The following ARHGEF4 variants were observed in gnomAD, a reference collection of about 807,000 sequenced individuals.
ARHGEF4 encodes Rho guanine nucleotide exchange factor 4.
Under a neutral mutation model 162.0 loss-of-function variants are expected in ARHGEF4, and 119 were observed. That is an observed-to-expected ratio of 0.73 (90% CI 0.63 to 0.86). The LOEUF (loss-of-function observed/expected upper bound fraction) is 0.86. Among genes scored for constraint, ARHGEF4 ranks in the 40% least tolerant of loss-of-function variants. The pLI, the probability that ARHGEF4 is intolerant of heterozygous loss-of-function variation, is 0.00. For synonymous variants in ARHGEF4, 1,014 were observed against 979.9 expected, an observed-to-expected ratio of 1.03 and a Z score of -0.65; for missense variants, 2,488 against 2,456.0, an observed-to-expected ratio of 1.01 and a Z score of -0.28.
chr2:130,864,308 A>G (rs1244047988), intron 1 of ARHGEF4, among the ~76,000 whole-genome samples: 1 of 152,218 alleles, frequency 6.6e-6, no homozygotes, highest in Non-Finnish European at 1.5e-5. Context: ...ATATTGCATG[A>G]TTCCATTTAT....
chr2:130,916,743 C>A lies in ARHGEF4; in HGVS notation c.2797C>A (p.Arg933Ser), dbSNP rs865793760. Residue 933 changes from arginine (R) to serine (S), a missense_variant, in exon 2 of 14, where the codon CGT (arginine) becomes AGT (serine). Around this residue, in one of 6 missense-constraint regions of ARHGEF4, gnomAD observed 1,642 missense variants for 1,481.5 expected, o/e 1.11. Transcript: ENST00000409359. The stretch of plus-strand genomic sequence containing the variant: ...TCTAGAGAAAGAGAACACCCATGAA[C>A]GTTCCCCAAGTTCTCCCAAGGGCGA... ...IVLEKENTHE[R>S]SPSSPKGEKE... 6.4e-7 allele frequency: 1 copy of A among 1,550,562 alleles called. No homozygotes were observed. Among genetic ancestry groups the A allele is most frequent in the Non-Finnish European group, 8.7e-7 (1 of 1,147,042 alleles).
chr2:131,010,034 G>C (rs960774053), intron 4 of ARHGEF4, among the ~76,000 whole-genome samples: 1 of 152,156 alleles, frequency 6.6e-6, no homozygotes, highest in South Asian at 2.1e-4. Context: ...CACATTCTAC[G>C]TTCAGGTTTT....
intron 5 of ARHGEF4, among the ~76,000 whole-genome samples, chr2:131,029,380 G>A (rs145790214): frequency 8.6e-5 from 13 of 151,996 alleles, no homozygotes; most frequent in East Asian, 3.9e-4. Context: ...TAAAACAGTC[G>A]TTAAATAATG....
At chr2:130,888,708 T>A (rs1163011635) in intron 1 of ARHGEF4, among the ~76,000 whole-genome samples, 1 of 152,166 alleles carries the variant, frequency 6.6e-6, no homozygotes, top group Non-Finnish European at 1.5e-5. Flanking sequence ...GCTACTGATT[T>A]CTAGCTTAAC....
Position 130,924,973 on chromosome 2 carries a change from C to T in ARHGEF4, c.3553-5979C>T, listed in dbSNP as rs142679833. The stretch of plus-strand genomic sequence containing the variant: ...GAATGCTGGATAGCTTTCCTGTCTA[C>T]CAGCCACAGTTCTAACTTTGGTGGC... On this transcript the variant is annotated intron_variant, in intron 2 of 13. Coordinates refer to ENST00000409359, the MANE Select transcript of ARHGEF4 (RefSeq NM_001367493.1). Among the ~76,000 whole-genome samples the T allele has an allele frequency of 3.4e-3, 509 of 151,040 alleles. 2 individuals are homozygous for T. Among genetic ancestry groups the T allele is most frequent in the Admixed American group, 8.9e-3 (134 of 15,106 alleles).
intron 2 of ARHGEF4, among the ~76,000 whole-genome samples, chr2:130,918,593 G>T (rs1230014127): frequency 6.6e-6 from 1 of 152,206 alleles, no homozygotes; most frequent in East Asian, 1.9e-4. Context: ...CCACACCTGG[G>T]CTCACGGGCT....
intron 4 of ARHGEF4, among the ~76,000 whole-genome samples, chr2:130,993,658 G>A (rs1334890225): frequency 6.6e-6 from 1 of 151,960 alleles, no homozygotes; most frequent in African/African-American, 2.4e-5. Context: ...ATTATTAAAT[G>A]TTTTTCTTTT....
chr2:130,902,547 T>G (rs1439393433), intron 1 of ARHGEF4, among the ~76,000 whole-genome samples: 1 of 151,552 alleles, frequency 6.6e-6, no homozygotes, highest in Non-Finnish European at 1.5e-5. Context: ...TGAGCCGAGA[T>G]AGCGCCACTG....
At chr2:130,964,739 G>T (rs1247722326) in intron 4 of ARHGEF4, among the ~76,000 whole-genome samples, 2 of 152,214 alleles carry the variant, frequency 1.3e-5, no homozygotes, top group East Asian at 1.9e-4. Context: ...CTGACCGCAG[G>T]ACTGCAGCTC....
rs772743897 is a variant in ARHGEF4, at chr2:130,915,399, G to A, written c.1453G>A (p.Glu485Lys). The part of the protein sequence containing the change: ...GTQLAPRAAD[E>K]RETQKHLWGI... ...CCAACTCGCACCAAGAGCTGCTGAT[G>A]AGAGAGAGACACAGAAGCACCTCTG... The change falls in exon 2 of 14, where the codon GAG (glutamate) becomes AAG (lysine). Residue 485 changes from glutamate to lysine, a missense_variant. By Grantham distance (56) the Glu-to-Lys change is moderately conservative. This residue lies in a region of ARHGEF4 where 1,642 missense variants were observed against 1,481.5 expected (regional missense o/e 1.11). Transcript: ENST00000409359. 3.2e-6 allele frequency: 5 copies of A among 1,547,226 alleles called. No individual in the cohort carries two copies. In the South Asian group the frequency reaches 3.6e-5, roughly 11 times the overall value.
chr2:130,981,248 A>G (rs1686096112), intron 4 of ARHGEF4, among the ~76,000 whole-genome samples: 1 of 152,220 alleles, frequency 6.6e-6, no homozygotes, highest in Non-Finnish European at 1.5e-5. Context: ...ATGACTTGCT[A>G]GAAATGCATA....
chr2:130,951,134 ATCT>A (rs1054038246), intron 4 of ARHGEF4, among the ~76,000 whole-genome samples: 1 of 152,178 alleles, frequency 6.6e-6, no homozygotes, highest in Non-Finnish European at 1.5e-5. Flanking sequence ...GGCTGATTTG[ATCT>A]TCTATCTAGA....
intron 4 of ARHGEF4, among the ~76,000 whole-genome samples, chr2:130,957,861 G>A (rs932427137): frequency 5.3e-5 from 8 of 152,034 alleles, no homozygotes; most frequent in East Asian, 1.9e-4. Flanking sequence ...GATATCAGAC[G>A]TCCAGCTTCC....
chr2:131,033,872 C>T (rs114716375), intron 5 of ARHGEF4, among the ~76,000 whole-genome samples: 3,631 of 152,230 alleles, frequency 0.024, 143 homozygotes, highest in African/African-American at 0.082. Flanking sequence ...TGTACATAGG[C>T]ACATGCATGG....
At chr2:130,838,180 C>G (rs1680338390) in intron 1 of ARHGEF4, among the ~76,000 whole-genome samples, 1 of 152,226 alleles carries the variant, frequency 6.6e-6, no homozygotes, top group Non-Finnish European at 1.5e-5. Flanking sequence ...CAAATGCCGA[C>G]TCTGTCATTG....
chr2:130,979,245 A>G (rs1187165911), intron 4 of ARHGEF4, among the ~76,000 whole-genome samples: 1 of 152,212 alleles, frequency 6.6e-6, no homozygotes, highest in East Asian at 1.9e-4. Context: ...TAGGAATCTC[A>G]TATAATCCTA....
chr2:130,865,546 T>A (rs1682210844), intron 1 of ARHGEF4, among the ~76,000 whole-genome samples: 1 of 152,196 alleles, frequency 6.6e-6, no homozygotes, highest in Non-Finnish European at 1.5e-5. Flanking sequence ...TGGAAGGACC[T>A]GGCCATTAGG....
At chr2:131,045,782 C>T in intron 13 of ARHGEF4, 1 of 1,426,504 alleles carries the variant, frequency 7.0e-7, no homozygotes, top group Non-Finnish European at 9.1e-7. Context: ...AGCCATGCCC[C>T]TGAAACATCA....
chr2:130,870,035 T>C (rs1029338570), intron 1 of ARHGEF4, among the ~76,000 whole-genome samples: 1 of 152,206 alleles, frequency 6.6e-6, no homozygotes, highest in Non-Finnish European at 1.5e-5. Flanking sequence ...GTACATCTGC[T>C]GAAGAGGCTC....
Sources: gnomAD v4.1 joint callset for allele counts (sites outside exome capture counted in the v4.1 genomes callset) on GRCh38, gnomAD v4.1.1 for gene constraint, gnomAD v4.1.1 regional missense constraint, MANE v1.5 for transcripts, NCBI Gene and HGNC (gene_info 2026-07-23, HGNC 2026-07-21) for gene names.